The following SASS6 variants were observed in gnomAD, a reference collection of about 807,000 sequenced individuals.
The protein encoded by SASS6 is spindle assembly abnormal protein 6 homolog.
In SASS6, 59 loss-of-function variants were observed where a neutral mutation model predicts 94.9. The ratio of observed to expected loss-of-function variants is 0.62; its 90% CI spans 0.50 to 0.77. SASS6 has a LOEUF of 0.77. Among genes scored for constraint, SASS6 ranks in the 30% least tolerant of loss-of-function variants. The pLI, the probability that SASS6 is intolerant of heterozygous loss-of-function variation, is 0.00. For synonymous variants in SASS6, 264 were observed against 270.0 expected (o/e 0.98, Z 0.22); for missense variants, 698 against 734.1 (o/e 0.95, Z 0.57).
Position 100,105,910 on chromosome 1 carries a change from TA to T in SASS6, c.1409-8del. On this transcript the variant is annotated splice_region_variant and splice_polypyrimidine_tract_variant and intron_variant, in intron 12 of 16. Transcript: ENST00000287482. The stretch of plus-strand genomic sequence containing the variant: ...TTATTTAACCACGTGATTACTTAAA[TA>T]AAAGAACAAGAAGCAAGGTAAAGAA... The T allele has an allele frequency of 6.4e-7, 1 of 1,572,168 alleles. No homozygotes were observed. Among genetic ancestry groups the T allele is most frequent in the Non-Finnish European group, 8.7e-7 (1 of 1,153,392 alleles).
Position 100,122,962 on chromosome 1 carries a change from T to G in SASS6, c.206+248A>C, listed in dbSNP as rs567309315. Among the ~76,000 whole-genome samples, 10 of 28,394 alleles carry G rather than the reference T, an allele frequency of 3.5e-4. No homozygotes were observed. The East Asian group carries it at 0.014, about 40-fold the overall frequency. 18.6% of individuals were successfully genotyped at this position (28,394 alleles called of 152,430 possible). A position where few individuals can be genotyped will look rare whatever the true frequency, so the allele number is the denominator to read the frequency against. On this transcript the variant is annotated intron_variant, in intron 3 of 16. Transcript: ENST00000287482. Reference sequence around the variant, plus strand: ...GGAACTCTGATTTTTATAGAACGTATTCAATGGGAAAAAAAATCAATAAAT... The same window carrying G: ...GGAACTCTGATTTTTATAGAACGTAGTCAATGGGAAAAAAAATCAATAAAT...
intron 2 of SASS6, among the ~76,000 whole-genome samples, chr1:100,124,771 T>C (rs914760969): frequency 4.6e-5 from 7 of 152,156 alleles, no homozygotes; most frequent in African/African-American, 9.7e-5. Flanking sequence ...TTTCCAAGAA[T>C]TAGGGAGTGA....
intron 2 of SASS6, among the ~76,000 whole-genome samples, chr1:100,125,222 A>AGTGTGTGTGT (rs59388922): frequency 0.036 from 5,160 of 143,674 alleles, 95 homozygotes; most frequent in African/African-American, 0.055. Context: ...ACAAGGCAGC[A>AGTGTGTGTGT]GTGTGTGTGT....
At chr1:100,087,130 G>A (rs1269470200) in intron 15 of SASS6, among the ~76,000 whole-genome samples, 1 of 152,014 alleles carries the variant, frequency 6.6e-6, no homozygotes, top group Non-Finnish European at 1.5e-5. Context: ...GATTACACGT[G>A]CCCACCACGC....
chr1:100,128,086 G>T (rs902673175), intron 1 of SASS6, among the ~76,000 whole-genome samples: 1 of 151,734 alleles, frequency 6.6e-6, no homozygotes, highest in Non-Finnish European at 1.5e-5. Flanking sequence ...ACCCAGTCTG[G>T]AGTGCAATGG....
intron 14 of SASS6, among the ~76,000 whole-genome samples, chr1:100,094,811 A>G (rs527439793): frequency 6.6e-6 from 1 of 151,116 alleles, no homozygotes; most frequent in African/African-American, 2.4e-5. Context: ...GGTTGCAGGG[A>G]GCCGAGATCA....
chr1:100,087,682 T>C (rs769920833), intron 15 of SASS6, among the ~76,000 whole-genome samples: 1 of 152,198 alleles, frequency 6.6e-6, no homozygotes, highest in Admixed American at 6.5e-5. Flanking sequence ...TCTCTGTATA[T>C]TTCTAGCATA....
intron 14 of SASS6, among the ~76,000 whole-genome samples, chr1:100,096,540 C>T (rs563557175): frequency 6.6e-6 from 1 of 152,252 alleles, no homozygotes; most frequent in South Asian, 2.1e-4. Flanking sequence ...TGATAAATTG[C>T]ACTCCATCAA....
intron 14 of SASS6, among the ~76,000 whole-genome samples, chr1:100,097,224 T>A (rs182450501): frequency 2.0e-5 from 3 of 152,360 alleles, no homozygotes; most frequent in South Asian, 4.1e-4. Flanking sequence ...ACTCTCAGAC[T>A]GCTGGTGGTA....
At chr1:100,113,609 G>A (rs548562173) in intron 7 of SASS6, among the ~76,000 whole-genome samples, 1 of 146,106 alleles carries the variant, frequency 6.8e-6, no homozygotes, top group Admixed American at 6.9e-5. Context: ...TGACAAGAGT[G>A]AGACTCGGTC....
intron 13 of SASS6, 82 bp downstream of exon 13, chr1:100,105,685 C>G: frequency 7.2e-7 from 1 of 1,380,550 alleles, no homozygotes; most frequent in Non-Finnish European, 1.0e-6. Context: ...CACCTTAAAT[C>G]ATGGAAACTT....
At chr1:100,086,593 T>C (rs926659292) in intron 15 of SASS6, among the ~76,000 whole-genome samples, 1 of 151,704 alleles carries the variant, frequency 6.6e-6, no homozygotes, top group Non-Finnish European at 1.5e-5. Context: ...CATAGCTTAC[T>C]ACAGACTCCA....
intron 14 of SASS6, among the ~76,000 whole-genome samples, chr1:100,089,850 G>C (rs1212406787): frequency 6.6e-6 from 1 of 151,716 alleles, no homozygotes; most frequent in Admixed American, 6.6e-5. Context: ...GTTAACCAAG[G>C]AGATTTTTCT....
chr1:100,099,577 C>A (rs1267849792), intron 14 of SASS6: 1 of 152,228 alleles, frequency 6.6e-6, no homozygotes, highest in African/African-American at 2.4e-5. Flanking sequence ...GATAGGGGCT[C>A]CCCAAACCAG....
intron 1 of SASS6, among the ~76,000 whole-genome samples, chr1:100,128,528 C>T (rs1039154163): frequency 2.0e-5 from 3 of 151,978 alleles, no homozygotes; most frequent in African/African-American, 4.8e-5. Context: ...AAAGAAAAAA[C>T]GGAAGGCCTG....
intron 7 of SASS6, among the ~76,000 whole-genome samples, chr1:100,116,852 G>C (rs1389584486): frequency 6.6e-6 from 1 of 152,120 alleles, no homozygotes; most frequent in African/African-American, 2.4e-5. Flanking sequence ...TTAGGACTAG[G>C]AAGCCATACA....
intron 4 of SASS6, among the ~76,000 whole-genome samples, 176 bp downstream of exon 4, chr1:100,122,204 T>C (rs1654245395): frequency 6.6e-6 from 1 of 152,222 alleles, no homozygotes; most frequent in Admixed American, 6.5e-5. Context: ...TAAGAAATAT[T>C]TCTGATTTTA....
In SASS6 at chr1:100,131,194, CT is replaced by C. The variant is rs1172504404; in HGVS notation, c.65+1555del. Among the ~76,000 whole-genome samples the C allele has an allele frequency of 6.2e-4, 89 of 144,284 alleles. 1 individual carries two copies. The highest frequency in any genetic ancestry group is 1.4e-3 in the East Asian group (7 of 5,012). 94.7% of individuals were successfully genotyped at this position (144,284 alleles called of 152,430 possible). ...ATGTAATTTTAATTTTTTTCTTTTT[CT>C]TTTTTTTTTTTCAGAGACAGGATCT... On this transcript the variant is annotated intron_variant, in intron 1 of 16. Transcript: ENST00000287482.
chr1:100,113,302 T>G (rs1255708118), intron 7 of SASS6, among the ~76,000 whole-genome samples: 1 of 152,050 alleles, frequency 6.6e-6, no homozygotes, highest in East Asian at 1.9e-4. Context: ...GAACACAACT[T>G]GCTTGAAAAT....
Sources: gnomAD v4.1 joint callset for allele counts (sites outside exome capture counted in the v4.1 genomes callset) on GRCh38, gnomAD v4.1.1 for gene constraint, MANE v1.5 for transcripts, NCBI Gene and HGNC (gene_info 2026-07-23, HGNC 2026-07-21) for gene names.